The following CNOT6L variants were observed in gnomAD, a reference collection of about 807,000 sequenced individuals.
CNOT6L encodes the protein CCR4-NOT transcription complex subunit 6 like.
In CNOT6L, 7 loss-of-function variants were observed where a neutral mutation model predicts 64.0. The observed-to-expected ratio is 0.11, with a 90% CI of 0.06 to 0.21. The LOEUF (loss-of-function observed/expected upper bound fraction) is 0.21. Ranked by LOEUF, CNOT6L falls within the 10% of genes least tolerant of loss-of-function variation. The probability of loss-of-function intolerance (pLI) is 1.00; values close to 1 mark genes in which losing one functional copy is unlikely to be tolerated. For missense variants in CNOT6L, 245 were observed against 669.0 expected (o/e 0.37, Z 6.99); for synonymous variants, 193 against 243.4 (o/e 0.79, Z 1.93).
chr4:77,763,904 C>T (rs1186257728), intron 4 of CNOT6L, among the ~76,000 whole-genome samples: 1 of 152,120 alleles, frequency 6.6e-6, no homozygotes. Flanking sequence ...GATATAATAA[C>T]CCATATTAAA....
chr4:77,784,677 G>T (rs971624391), intron 1 of CNOT6L, among the ~76,000 whole-genome samples: 1 of 151,926 alleles, frequency 6.6e-6, no homozygotes, highest in Middle Eastern at 3.2e-3. Flanking sequence ...GTAGAGATGG[G>T]TTTCACCATG....
At chr4:77,725,672 CA>C (rs889513399) in intron 11 of CNOT6L, among the ~76,000 whole-genome samples, 1 of 152,150 alleles carries the variant, frequency 6.6e-6, no homozygotes, top group African/African-American at 2.4e-5. Context: ...GCTCTAACCC[CA>C]TACCCAAAAA....
intron 1 of CNOT6L, among the ~76,000 whole-genome samples, chr4:77,805,428 GA>G (rs1339214231): frequency 4.6e-5 from 7 of 151,598 alleles, no homozygotes; most frequent in Admixed American, 1.3e-4. Flanking sequence ...AATTTATATA[GA>G]AAAAAAATTA....
In CNOT6L at chr4:77,807,276, C is replaced by CAAAAAAA. The variant is rs58452605; in HGVS notation, c.5+12021_5+12027dup. On this transcript the variant is annotated intron_variant, in intron 1 of 11. Coordinates refer to ENST00000504123, the MANE Select transcript of CNOT6L (RefSeq NM_144571.3). ...ATGGCGACAGAGTGAGACTCCATCT[C>CAAAAAAA]AAAAAAAAAAAAAAAAATCCTACAA... 1.3e-4 allele frequency among the ~76,000 whole-genome samples: 14 copies of CAAAAAAA among 108,194 alleles called. 1 individual carries two copies. The highest frequency in any genetic ancestry group is 5.1e-4 in the East Asian group (2 of 3,948). The allele number at this position is 108,194 out of a possible 152,430, so 71.0% of individuals were successfully genotyped here.
At chr4:77,813,072 G>C (rs1417980540) in intron 1 of CNOT6L, among the ~76,000 whole-genome samples, 1 of 152,070 alleles carries the variant, frequency 6.6e-6, no homozygotes, top group Non-Finnish European at 1.5e-5. Context: ...TTTTGGACAG[G>C]GGTGATGATA....
intron 1 of CNOT6L, among the ~76,000 whole-genome samples, chr4:77,817,793 A>G (rs1473097367): frequency 6.6e-6 from 1 of 152,242 alleles, no homozygotes; most frequent in Non-Finnish European, 1.5e-5. Context: ...CCAGGTGCAA[A>G]GAGCAATCTC....
At chr4:77,786,174 G>C (rs1230965101) in intron 1 of CNOT6L, among the ~76,000 whole-genome samples, 1 of 152,012 alleles carries the variant, frequency 6.6e-6, no homozygotes, top group Admixed American at 6.6e-5. Context: ...CCAGCTACTG[G>C]GGAAGCTAAC....
chr4:77,743,597 T>G (rs1199884186), intron 7 of CNOT6L, among the ~76,000 whole-genome samples: 19 of 82,692 alleles, frequency 2.3e-4, no homozygotes, highest in East Asian at 7.5e-4. Flanking sequence ...TTTTTTTTTT[T>G]TTTTTTTTTT....
intron 11 of CNOT6L, among the ~76,000 whole-genome samples, chr4:77,723,153 G>A (rs2109857815): frequency 6.6e-6 from 1 of 152,248 alleles, no homozygotes; most frequent in South Asian, 2.1e-4. Context: ...AACGTGGGGT[G>A]AGGAGCAGCA....
At chr4:77,727,334 G>T (rs1721969117) in intron 10 of CNOT6L, among the ~76,000 whole-genome samples, 1 of 151,996 alleles carries the variant, frequency 6.6e-6, no homozygotes, top group Admixed American at 6.6e-5. Flanking sequence ...AGGCCGAGGT[G>T]GGCGGATCCA....
At chr4:77,808,733 A>G (rs938202280) in intron 1 of CNOT6L, among the ~76,000 whole-genome samples, 14 of 152,138 alleles carry the variant, frequency 9.2e-5, no homozygotes, top group Non-Finnish European at 1.9e-4. Context: ...TTTTCTCATC[A>G]TAAAGGCAAG....
chr4:77,727,562 CAAAAAAAAAAAAAAAAAAAAAA>C (rs55848621), intron 10 of CNOT6L, among the ~76,000 whole-genome samples: 1 of 84,590 alleles, frequency 1.2e-5, no homozygotes, highest in African/African-American at 4.9e-5. Flanking sequence ...AACTCTGTCT[CAAAAAAAAAAAAAAAAAAAAAA>C]AAAAAAAAAA....
chr4:77,726,994 T>C (rs1042370100), intron 10 of CNOT6L, among the ~76,000 whole-genome samples: 1 of 152,144 alleles, frequency 6.6e-6, no homozygotes, highest in Non-Finnish European at 1.5e-5. Context: ...TTCAGAAAAG[T>C]GCACTGCTTC....
chr4:77,767,239 A>G (rs559515744), intron 4 of CNOT6L, among the ~76,000 whole-genome samples: 1 of 152,256 alleles, frequency 6.6e-6, no homozygotes, highest in East Asian at 1.9e-4. Flanking sequence ...ATTCATGAAT[A>G]GGATGATTGA....
chr4:77,804,557 A>C (rs549203620), intron 1 of CNOT6L, among the ~76,000 whole-genome samples: 24 of 152,124 alleles, frequency 1.6e-4, no homozygotes, highest in African/African-American at 5.3e-4. Context: ...TGACTAGAAG[A>C]AGCAAATCCA....
chr4:77,798,477 A>G (rs1731130915), intron 1 of CNOT6L, among the ~76,000 whole-genome samples: 1 of 152,212 alleles, frequency 6.6e-6, no homozygotes, highest in Non-Finnish European at 1.5e-5. Flanking sequence ...ACACTTCACC[A>G]AAGAAGATAT....
rs200199277 is a variant in CNOT6L at position 77,776,398 on chromosome 4, T to A, written c.6-6A>T. The A allele has an allele frequency of 6.4e-5, 70 of 1,099,108 alleles. No homozygotes were observed. The highest frequency in any genetic ancestry group is 2.5e-4 in the East Asian group (8 of 32,480). 68.1% of individuals were successfully genotyped at this position (1,099,108 alleles called of 1,614,324 possible). A position where few individuals can be genotyped will look rare whatever the true frequency, so the allele number is the denominator to read the frequency against. On this transcript the variant is annotated splice_region_variant and splice_polypyrimidine_tract_variant and intron_variant, in intron 1 of 11. Coordinates refer to ENST00000504123, the MANE Select transcript of CNOT6L (RefSeq NM_144571.3). ...CCTTTGGCATCCCTATTAGTCTGTT[T>A]AAAAAAAAAAAGGAGGAGATCAATA...
In CNOT6L at chr4:77,714,263, C is replaced by G. The variant is rs191958468; in HGVS notation, c.*6168G>C. 6.6e-6 allele frequency: 1 copy of G among 151,904 alleles called. No homozygotes were observed. Among genetic ancestry groups the G allele is most frequent in the Non-Finnish European group, 1.5e-5 (1 of 67,870 alleles). 9.4% of individuals were successfully genotyped at this position (151,904 alleles called of 1,614,324 possible). ...ATGCCAGGTAATGAAAATAAATGAA[C>G]CTTTCCCTACTCAAAACGATAAATT... On this transcript the variant is annotated 3_prime_UTR_variant, in exon 12 of 12. Coordinates refer to ENST00000504123, the MANE Select transcript of CNOT6L (RefSeq NM_144571.3).
chr4:77,718,559 A>T lies in CNOT6L; in HGVS notation c.*1872T>A, dbSNP rs1308256434. On this transcript the variant is annotated 3_prime_UTR_variant, in exon 12 of 12. Coordinates refer to ENST00000504123, the MANE Select transcript of CNOT6L (RefSeq NM_144571.3). ...CATCAAAATTCACTGAACTACAATG[A>T]CATTCCAATTATAATAGATGACAAA... The T allele has an allele frequency of 6.6e-6, 1 of 152,546 alleles. No homozygotes were observed. Among genetic ancestry groups the T allele is most frequent in the African/African-American group, 2.4e-5 (1 of 41,428 alleles). The allele number at this position is 152,546 out of a possible 1,614,324, so 9.4% of individuals were successfully genotyped here. A position where few individuals can be genotyped will look rare whatever the true frequency, so the allele number is the denominator to read the frequency against.
Sources: allele counts gnomAD v4.1 joint callset (sites outside exome capture counted in the v4.1 genomes callset), GRCh38; gene constraint gnomAD v4.1.1; transcripts MANE v1.5; gene names NCBI Gene and HGNC (gene_info 2026-07-23, HGNC 2026-07-21).